Variants in ESYT1 observed in about 807,000 individuals in gnomAD.
The protein encoded by ESYT1 is extended synaptotagmin-1.
Under a neutral mutation model 154.2 loss-of-function variants are expected in ESYT1, and 116 were observed. That is an observed-to-expected ratio of 0.75 (90% confidence interval 0.65 to 0.88). ESYT1 has a LOEUF of 0.88. Ranked by LOEUF, ESYT1 falls within the 40% of genes least tolerant of loss-of-function variation. The probability of loss-of-function intolerance (pLI) is 0.00; values close to 1 mark genes in which losing one functional copy is unlikely to be tolerated. For missense variants in ESYT1, 1,264 were observed against 1,379.3 expected (o/e 0.92, Z 1.32); for synonymous variants, 500 against 539.9 (o/e 0.93, Z 1.02).
At chr12:56,135,625 C>T (rs565617576) in intron 15 of ESYT1, among the ~76,000 whole-genome samples, 1 of 151,620 alleles carries the variant, frequency 6.6e-6, no homozygotes, top group South Asian at 2.1e-4. Flanking sequence ...GGCATGGTGG[C>T]TCACACCTGT....
At position 56,143,069 on chromosome 12, in the gene ESYT1, C is replaced by A; in HGVS notation, c.3040C>A (p.Leu1014Ile). The change falls in exon 28 of 31, where the codon CTA (leucine) becomes ATA (isoleucine). Residue 1014 changes from leucine (L) to isoleucine (I), a missense_variant. Leu to Ile is a conservative substitution (Grantham distance 5). Coordinates refer to ENST00000394048, the MANE Select transcript of ESYT1 (RefSeq NM_015292.3). ...TCCTGATCCCTATGTGTCACTGTTGCTACTGCCAGACAAGAACCGAGGCAC... is the reference window on the plus strand; with the variant it reads ...TCCTGATCCCTATGTGTCACTGTTGATACTGCCAGACAAGAACCGAGGCAC... The part of the protein sequence containing the change: ...DPPDPYVSLL[L>I]LPDKNRGTKR... The A allele has an allele frequency of 6.2e-7, 1 of 1,614,166 alleles. No individual in the cohort carries two copies. The highest frequency in any genetic ancestry group is 8.5e-7 in the Non-Finnish European group (1 of 1,180,028).
At chr12:56,137,014 A>G in intron 16 of ESYT1, 121 bp downstream of exon 16, 6 of 1,350,744 alleles carry the variant, frequency 4.4e-6, no homozygotes, top group Non-Finnish European at 6.1e-6. Context: ...AGTGCCAAGC[A>G]GGCACAAAAA....
In ESYT1 at chr12:56,137,727, C is replaced by T. The variant is rs1308251474; in HGVS notation, c.2115+52C>T. On this transcript the variant is annotated intron_variant, in intron 18 of 30. Coordinates refer to ENST00000394048, the MANE Select transcript of ESYT1 (RefSeq NM_015292.3). ...GGTTCTGCCCCATTTTTCCCCCAAT[C>T]CCAAAAGTGGTCCAGAAACCTCTGA... The T allele has an allele frequency of 3.1e-6, 5 of 1,609,156 alleles. No homozygotes were observed. In the Admixed American group the frequency reaches 6.7e-5, roughly 22 times the overall value.
rs1446820461 is a variant in ESYT1 at position 56,130,643 on chromosome 12, T to G, written c.432+20T>G. 1 of 1,614,190 alleles carries G rather than the reference T, an allele frequency of 6.2e-7. No homozygotes were observed. Among genetic ancestry groups the G allele is most frequent in the East Asian group, 2.2e-5 (1 of 44,894 alleles). On this transcript the variant is annotated intron_variant, in intron 2 of 30. Transcript: ENST00000394048. ...AATAAGGTGAGGATTGATTTGATTT[T>G]TAGTCTTCATGAGGGGAGAATGGGA...
chr12:56,142,579 T>C lies in ESYT1; in HGVS notation c.2735T>C (p.Ile912Thr). 4 of 1,614,080 alleles carry C rather than the reference T, an allele frequency of 2.5e-6. No homozygotes were observed. The highest frequency in any genetic ancestry group is 2.5e-6 in the Non-Finnish European group (3 of 1,180,024). The change falls in exon 26 of 31, where the codon ATC (isoleucine) becomes ACC (threonine). Residue 912 changes from isoleucine to threonine, a missense_variant and splice_region_variant. Coordinates refer to ENST00000394048, the MANE Select transcript of ESYT1 (RefSeq NM_015292.3). This position sits in a 1 kb window ranked among gnomAD's most constrained non-coding sequence, Gnocchi z 4.1. ...AGCTCACAGCTTTCTTGCCCCTAGA[T>C]CCTGGTGTCCCAGCACTCGGGAGTG... ...GQVLLRAQLG[I>T]LVSQHSGVEA...
At chr12:56,137,088 G>A in intron 16 of ESYT1, 130 bp from the exon 17 acceptor site, 1 of 1,350,894 alleles carries the variant, frequency 7.4e-7, no homozygotes, top group Non-Finnish European at 1.0e-6. Flanking sequence ...AGGGAACCCT[G>A]TAGAGATGAG....
chr12:56,136,684 C>A, intron 15 of ESYT1, 60 bp from the exon 16 acceptor site: 1 of 1,447,504 alleles, frequency 6.9e-7, no homozygotes, highest in Non-Finnish European at 9.3e-7. Flanking sequence ...TTATCATTTT[C>A]ACAGTATGCC....
chr12:56,128,459 C>T lies in ESYT1; in HGVS notation c.140C>T (p.Ala47Val), dbSNP rs773683905. 6.2e-7 allele frequency: 1 copy of T among 1,611,522 alleles called. No individual in the cohort carries two copies. Among genetic ancestry groups the T allele is most frequent in the South Asian group, 1.1e-5 (1 of 90,824 alleles). Residue 47 changes from alanine (A) to valine (V), a missense_variant, in exon 1 of 31, where the codon GCG becomes GTG. By Grantham distance (64) the Ala-to-Val change is moderately conservative. Coordinates refer to ENST00000394048, the MANE Select transcript of ESYT1 (RefSeq NM_015292.3). ...GSGGQPAGPG[A>V]AGEALAVLTS... ...GGGGGCCAACCTGCTGGCCCTGGCGCGGCGGGTGAGGCCCTGGCGGTGCTG... is the reference window on the plus strand; with the variant it reads ...GGGGGCCAACCTGCTGGCCCTGGCGTGGCGGGTGAGGCCCTGGCGGTGCTG...
In ESYT1 at chr12:56,142,705, T is replaced by C; in HGVS notation, c.2861T>C (p.Leu954Pro). The C allele has an allele frequency of 6.2e-7, 1 of 1,613,826 alleles. No homozygotes were observed. The highest frequency in any genetic ancestry group is 8.5e-7 in the Non-Finnish European group (1 of 1,179,988). The change falls in exon 26 of 31, where the codon CTC (leucine) becomes CCC (proline). Residue 954 changes from leucine (L) to proline (P), a missense_variant. Coordinates refer to ENST00000394048, the MANE Select transcript of ESYT1 (RefSeq NM_015292.3). This position sits in a 1 kb window ranked among gnomAD's most constrained non-coding sequence, Gnocchi z 4.1. The part of the protein sequence containing the change: ...PPHITSSAPE[L>P]RQRLTHVDSP... ...CACATCACCTCCTCAGCCCCAGAGC[T>C]CCGGCAGCGCCTAACACATGTTGAC... is the stretch of plus-strand genomic sequence containing the variant.
In ESYT1 at chr12:56,137,214, CT is replaced by C. The variant is rs758440501; in HGVS notation, c.1783-3del. Reference sequence around the variant, plus strand: ...TTGATTCAGCATCATACTACCCTTCCTAGATCCTGTACTTGGATTCATCAGA... The same window carrying C: ...TTGATTCAGCATCATACTACCCTTCCAGATCCTGTACTTGGATTCATCAGA... On this transcript the variant is annotated splice_polypyrimidine_tract_variant and splice_region_variant and intron_variant, in intron 16 of 30. Coordinates refer to ENST00000394048, the MANE Select transcript of ESYT1 (RefSeq NM_015292.3). 1.9e-6 allele frequency: 3 copies of C among 1,614,158 alleles called. No individual in the cohort carries two copies. Among genetic ancestry groups the C allele is most frequent in the Non-Finnish European group, 2.5e-6 (3 of 1,180,010 alleles).
intron 1 of ESYT1, chr12:56,128,988 A>C (rs1592243368): frequency 2.2e-6 from 1 of 445,586 alleles, no homozygotes; most frequent in Non-Finnish European, 4.1e-6. Flanking sequence ...ACATCTGGGG[A>C]CCCCGTCTCA....
intron 24 of ESYT1, among the ~76,000 whole-genome samples, chr12:56,141,886 G>A (rs1870712229): frequency 6.6e-6 from 1 of 152,052 alleles, no homozygotes; most frequent in South Asian, 2.1e-4. Flanking sequence ...ATCACCTGAG[G>A]TTGGGAGTTT....
In ESYT1 at chr12:56,142,330, C is replaced by T. The variant is rs2136886721; in HGVS notation, c.2638C>T (p.Leu880Phe). Residue 880 changes from leucine (L) to phenylalanine (F), a missense_variant, in exon 25 of 31, where the codon CTC becomes TTC. Transcript: ENST00000394048. This position sits in a 1 kb window ranked among gnomAD's most constrained non-coding sequence, Gnocchi z 4.1. ...TGVLGSLSLPLSELLVADQLC... is the reference protein window; with the variant it reads ...TGVLGSLSLPFSELLVADQLC... ...CGTGCTGGGCTCATTATCCCTGCCCCTCTCAGAGCTCCTCGTGGCTGACCA... is the reference window on the plus strand; with the variant it reads ...CGTGCTGGGCTCATTATCCCTGCCCTTCTCAGAGCTCCTCGTGGCTGACCA... The T allele has an allele frequency of 1.2e-6, 2 of 1,614,184 alleles. No homozygotes were observed. The highest frequency in any genetic ancestry group is 2.2e-5 in the East Asian group (1 of 44,890).
intron 22 of ESYT1, 80 bp downstream of exon 22, chr12:56,138,579 T>C: frequency 1.4e-6 from 2 of 1,422,578 alleles, no homozygotes; most frequent in Non-Finnish European, 1.9e-6. Flanking sequence ...CTGGAGTATT[T>C]AGAATAAGAA....
chr12:56,128,303 C>G lies in ESYT1; in HGVS notation c.-17C>G. The G allele has an allele frequency of 6.3e-7, 1 of 1,599,212 alleles. No homozygotes were observed. Among genetic ancestry groups the G allele is most frequent in the Non-Finnish European group, 8.5e-7 (1 of 1,175,166 alleles). On this transcript the variant is annotated 5_prime_UTR_variant, in exon 1 of 31. Coordinates refer to ENST00000394048, the MANE Select transcript of ESYT1 (RefSeq NM_015292.3). ...AGCCAGTCCCTGGGTCGGGCGGATC[C>G]TCCCAGAGGTGGCACAATGGAGCGA...
chr12:56,144,091 G>C lies in ESYT1; in HGVS notation c.*229G>C, dbSNP rs1870827989. 7.0e-7 allele frequency: 1 copy of C among 1,421,810 alleles called. No individual in the cohort carries two copies. 88.1% of individuals were successfully genotyped at this position (1,421,810 alleles called of 1,614,324 possible). A position where few individuals can be genotyped will look rare whatever the true frequency, so the allele number is the denominator to read the frequency against. On this transcript the variant is annotated 3_prime_UTR_variant, in exon 31 of 31. Transcript: ENST00000394048. ...CTGGGCCCCTGGGGCGGGGACCTGA[G>C]CTGGCTGTTTCCTGCTTTGCCTGCA...
chr12:56,128,875 T>G (rs1870114236), intron 1 of ESYT1, 166 bp downstream of exon 1: 1 of 767,284 alleles, frequency 1.3e-6, no homozygotes, highest in African/African-American at 1.7e-5. Context: ...GCGCCACTCT[T>G]GGAACCGACT....
In ESYT1 at chr12:56,144,593, T is replaced by TA. The variant is rs1435618079; in HGVS notation, c.*732dup. 1 of 985,338 alleles carries TA rather than the reference T, an allele frequency of 1.0e-6. No homozygotes were observed. The highest frequency in any genetic ancestry group is 1.2e-6 in the Non-Finnish European group (1 of 829,984). The allele number at this position is 985,338 out of a possible 1,614,324, so 61.0% of individuals were successfully genotyped here. A position where few individuals can be genotyped will look rare whatever the true frequency, so the allele number is the denominator to read the frequency against. On this transcript the variant is annotated 3_prime_UTR_variant, in exon 31 of 31. Coordinates refer to ENST00000394048, the MANE Select transcript of ESYT1 (RefSeq NM_015292.3). ...GTGCCTAGGCTGCTAACTCACTGAC[T>TA]AGAACTTAATCTGGTACTTTACAGT...
intron 24 of ESYT1, 87 bp downstream of exon 24, chr12:56,139,100 A>T (rs940762469): frequency 1.4e-5 from 14 of 1,022,342 alleles, no homozygotes; most frequent in South Asian, 9.6e-5. Context: ...GAGATGAGAT[A>T]AAAGGTTGAC....
Sources: allele counts gnomAD v4.1 joint callset (sites outside exome capture counted in the v4.1 genomes callset), GRCh38; gene constraint gnomAD v4.1.1; non-coding constraint Gnocchi (gnomAD v3.1); transcripts MANE v1.5; gene names NCBI Gene and HGNC (gene_info 2026-07-23, HGNC 2026-07-21).